The following PLPP1 variants were observed in gnomAD, a reference collection of about 807,000 sequenced individuals.
The protein encoded by PLPP1 is phospholipid phosphatase 1.
A neutral mutation model predicts 31.2 loss-of-function variants in PLPP1; 24 were observed. The ratio of observed to expected loss-of-function variants is 0.77; its 90% CI spans 0.56 to 1.08. The LOEUF is 1.08. PLPP1 is among the 50% of genes least tolerant of loss of function. The pLI, the probability that PLPP1 is intolerant of heterozygous loss-of-function variation, is 0.00. For synonymous variants in PLPP1, 146 were observed against 126.3 expected, an observed-to-expected ratio of 1.16 and a Z score of -1.05; for missense variants, 319 against 342.7, an observed-to-expected ratio of 0.93 and a Z score of 0.55.
At chr5:55,469,439 G>A (rs1023575381) in intron 2 of PLPP1, among the ~76,000 whole-genome samples, 6 of 151,446 alleles carry the variant, frequency 4.0e-5, no homozygotes, top group Non-Finnish European at 7.4e-5. Flanking sequence ...GCAGTGAGCC[G>A]AGATGGCGCC....
chr5:55,448,449 CTT>C (rs11414425), intron 3 of PLPP1, among the ~76,000 whole-genome samples: 11 of 128,196 alleles, frequency 8.6e-5, no homozygotes, highest in Middle Eastern at 4.0e-3. Flanking sequence ...ATTCTAGCAC[CTT>C]TTTTTTTTTT....
rs368534959 is a variant in PLPP1, at chr5:55,425,980, T to C, written c.609A>G (p.Gln203=). 1.2e-6 allele frequency: 2 copies of C among 1,613,892 alleles called. No individual in the cohort carries two copies. Among genetic ancestry groups the C allele is most frequent in the African/African-American group, 1.3e-5 (1 of 75,010 alleles). ...AAATGGATACGGCAACAAGACCAAA[T>C]TGCAGTGTGGGGCGTAAGAGTCTTG... ...DWARLLRPTL[Q]FGLVAVSIYV... Residue 203 remains glutamine, a synonymous_variant, in exon 5 of 6, where the codon CAA becomes CAG. Transcript: ENST00000307259.
chr5:55,464,504 G>C (rs116821153), intron 3 of PLPP1, among the ~76,000 whole-genome samples: 1 of 151,984 alleles, frequency 6.6e-6, no homozygotes, highest in Non-Finnish European at 1.5e-5. Context: ...CCCAAAGTTC[G>C]GACATTACAG....
At position 55,468,141 on chromosome 5, in the gene PLPP1, A is replaced by G; in HGVS notation, c.219T>C (p.Leu73=). Residue 73 remains leucine (L), a synonymous_variant, in exon 3 of 6, where the codon CTT becomes CTC. Coordinates refer to ENST00000307259, the MANE Select transcript of PLPP1 (RefSeq NM_003711.4). ...TACAGTAAACAGACAGGGTTTCTCC[A>G]AGAATAATCTGAAAAAGAAACAGAA... ...IIPFSIIVII[L]GETLSVYCNL... 1 of 1,578,752 alleles carries G rather than the reference A, an allele frequency of 6.3e-7. No individual in the cohort carries two copies. Among genetic ancestry groups the G allele is most frequent in the Middle Eastern group, 1.9e-4 (1 of 5,310 alleles).
At chr5:55,516,772 G>A (rs1409702511) in intron 1 of PLPP1, among the ~76,000 whole-genome samples, 1 of 152,184 alleles carries the variant, frequency 6.6e-6, no homozygotes, top group Non-Finnish European at 1.5e-5. Flanking sequence ...TAGTAAAAAT[G>A]AATGGAAATT....
At chr5:55,474,098 G>A (rs4865946) in intron 2 of PLPP1, among the ~76,000 whole-genome samples, 129,403 of 151,324 alleles carry the variant, frequency 0.86, 55,807 homozygotes, top group South Asian at 0.92. Context: ...CTAGGTTCAA[G>A]CGATTCTCCT....
At chr5:55,504,905 A>G (rs530592580) in intron 1 of PLPP1, among the ~76,000 whole-genome samples, 22 of 151,544 alleles carry the variant, frequency 1.5e-4, no homozygotes, top group African/African-American at 4.8e-4. Flanking sequence ...CAACCTCTGA[A>G]GCTCAGGTAA....
At chr5:55,529,797 T>C (rs971931280) in intron 1 of PLPP1, among the ~76,000 whole-genome samples, 5 of 152,174 alleles carry the variant, frequency 3.3e-5, no homozygotes, top group African/African-American at 1.2e-4. Flanking sequence ...CTACTGTGTG[T>C]TTAATGTGTA....
At chr5:55,441,761 AATTT>A (rs1751625572) in intron 4 of PLPP1, 86 bp downstream of exon 4, 7 of 1,353,020 alleles carry the variant, frequency 5.2e-6, no homozygotes, top group East Asian at 2.3e-5. Context: ...GCTACTGGCT[AATTT>A]ATTAGGACAG....
rs148660538 is a variant in PLPP1, at chr5:55,459,690, G to A, written c.491+8179C>T. 5.8e-4 allele frequency among the ~76,000 whole-genome samples: 88 copies of A among 152,262 alleles called. 1 individual carries two copies. The highest frequency in any genetic ancestry group is 1.5e-3 in the Admixed American group (23 of 15,296). ...TAATCCACAGATCAAAGAGGAAGAC[G>A]CAAGGGAAATTAGAAAGTATTGTTA... On this transcript the variant is annotated intron_variant, in intron 3 of 5. Coordinates refer to ENST00000307259, the MANE Select transcript of PLPP1 (RefSeq NM_003711.4).
intron 1 of PLPP1, among the ~76,000 whole-genome samples, chr5:55,486,205 G>A (rs1435760464): frequency 6.6e-6 from 1 of 151,858 alleles, no homozygotes; most frequent in Admixed American, 6.6e-5. Context: ...ATATTTCTTG[G>A]CAATTTTCTT....
intron 1 of PLPP1, among the ~76,000 whole-genome samples, chr5:55,494,540 C>T (rs778040956): frequency 6.6e-6 from 1 of 152,154 alleles, no homozygotes; most frequent in Non-Finnish European, 1.5e-5. Flanking sequence ...CCACTGTCCC[C>T]TTAAGGCTCC....
chr5:55,431,698 CA>C (rs1481103515), intron 4 of PLPP1, among the ~76,000 whole-genome samples: 1 of 151,936 alleles, frequency 6.6e-6, no homozygotes, highest in African/African-American at 2.4e-5. Context: ...CAATGCAACT[CA>C]AGATAGTAGA....
intron 2 of PLPP1, among the ~76,000 whole-genome samples, chr5:55,472,016 G>A (rs1752426052): frequency 6.6e-6 from 1 of 152,136 alleles, no homozygotes; most frequent in African/African-American, 2.4e-5. Flanking sequence ...CAGCTCCTCA[G>A]GTGGCTGAAG....
intron 3 of PLPP1, among the ~76,000 whole-genome samples, chr5:55,443,935 CAA>C (rs1751692470): frequency 6.6e-6 from 1 of 152,138 alleles, no homozygotes; most frequent in Non-Finnish European, 1.5e-5. Context: ...AATGGAAATT[CAA>C]AGCATTCATA....
intron 1 of PLPP1, among the ~76,000 whole-genome samples, chr5:55,477,082 A>G (rs1195706385): frequency 2.6e-5 from 4 of 151,946 alleles, no homozygotes; most frequent in Admixed American, 6.6e-5. Context: ...GCTAACTGAC[A>G]CTTATACTGG....
chr5:55,455,101 G>T (rs79270141), intron 3 of PLPP1, among the ~76,000 whole-genome samples: 98 of 152,166 alleles, frequency 6.4e-4, no homozygotes, highest in African/African-American at 2.2e-3. Context: ...AGAATACAAG[G>T]CTTCCATAAT....
chr5:55,444,537 G>A (rs764459306), intron 3 of PLPP1, among the ~76,000 whole-genome samples: 12 of 152,150 alleles, frequency 7.9e-5, no homozygotes, highest in Non-Finnish European at 1.8e-4. Context: ...ATGAAGGCAA[G>A]TACAGTACAG....
At chr5:55,490,144 CTTTTTTT>C (rs896241457) in intron 1 of PLPP1, among the ~76,000 whole-genome samples, 75 of 83,380 alleles carry the variant, frequency 9.0e-4, no homozygotes, top group African/African-American at 3.4e-3. Context: ...CTTTTCTTTT[CTTTTTTT>C]TTTTTTTTTT....
Sources: gnomAD v4.1 joint callset for allele counts (sites outside exome capture counted in the v4.1 genomes callset) on GRCh38, gnomAD v4.1.1 for gene constraint, MANE v1.5 for transcripts, NCBI Gene and HGNC (gene_info 2026-07-23, HGNC 2026-07-21) for gene names.